Variants in CUL2 observed in about 807,000 individuals in gnomAD.
The protein encoded by CUL2 is cullin 2.
CUL2 carries 22 observed loss-of-function variants against 110.2 expected under a neutral mutation model. That is an observed-to-expected ratio of 0.20 (90% CI 0.14 to 0.28). The LOEUF (loss-of-function observed/expected upper bound fraction) is 0.28, where lower values mean the gene tolerates loss of function less well. Ranked by LOEUF, CUL2 falls within the 10% of genes least tolerant of loss-of-function variation. CUL2 has a pLI of 1.00. For missense variants in CUL2, 631 were observed against 905.5 expected, an observed-to-expected ratio of 0.70 and a Z score of 3.89; for synonymous variants, 279 against 293.2, an observed-to-expected ratio of 0.95 and a Z score of 0.49.
chr10:35,122,117 T>A (rs11010101), intron 1 of CUL2, among the ~76,000 whole-genome samples: 49,168 of 152,148 alleles, frequency 0.32, 8,066 homozygotes, highest in South Asian at 0.35. Flanking sequence ...ATATTATACT[T>A]ACTTGTTTTT....
intron 1 of CUL2, among the ~76,000 whole-genome samples, chr10:35,089,274 T>C (rs1297849217): frequency 1.3e-5 from 2 of 152,216 alleles, no homozygotes; most frequent in Non-Finnish European, 2.9e-5. Context: ...TATAGCTCAT[T>C]TGTTCATGTG....
intron 5 of CUL2, among the ~76,000 whole-genome samples, chr10:35,050,528 G>A (rs932042843): frequency 3.3e-5 from 5 of 152,058 alleles, no homozygotes; most frequent in African/African-American, 1.2e-4. Context: ...AAACATTCCT[G>A]TATTCACTAC....
At chr10:35,113,181 C>CAAAAAA (rs71660665) in intron 1 of CUL2, among the ~76,000 whole-genome samples, 19 of 36,616 alleles carry the variant, frequency 5.2e-4, no homozygotes, top group East Asian at 1.1e-3. Context: ...GACTCCATCT[C>CAAAAAA]AAAAAAAAAA....
chr10:35,033,902 T>A (rs1564709032), intron 10 of CUL2, among the ~76,000 whole-genome samples: 1 of 152,196 alleles, frequency 6.6e-6, no homozygotes. Flanking sequence ...TAACAAGACC[T>A]GAACTACCAG....
At chr10:35,114,793 G>C (rs1440629076) in intron 1 of CUL2, among the ~76,000 whole-genome samples, 1 of 148,700 alleles carries the variant, frequency 6.7e-6, no homozygotes, top group Non-Finnish European at 1.5e-5. Flanking sequence ...GTCCCAAATA[G>C]AACTTCCAGA....
rs377428976 is a variant in CUL2 at position 35,071,196 on chromosome 10, T to C, written c.119+3A>G. ...ATTGATCAAGCTGCCATTAAAAGGA[T>C]ACGAGAAACGGTCATTCCATGTTGC... is the stretch of plus-strand genomic sequence containing the variant. On this transcript the variant is annotated splice_donor_region_variant and intron_variant, in intron 2 of 20. Coordinates refer to ENST00000374749, the MANE Select transcript of CUL2 (RefSeq NM_003591.4). 6.2e-7 allele frequency: 1 copy of C among 1,612,602 alleles called. No individual in the cohort carries two copies. The highest frequency in any genetic ancestry group is 1.1e-5 in the South Asian group (1 of 90,848).
intron 19 of CUL2, 53 bp from the exon 20 acceptor site, chr10:35,012,017 C>T (rs2084915558): frequency 9.7e-7 from 1 of 1,028,330 alleles, no homozygotes; most frequent in Non-Finnish European, 1.4e-6. Context: ...AGTCACTGAA[C>T]TTGTTTTCAA....
chr10:35,069,119 A>G (rs531667276), intron 2 of CUL2, among the ~76,000 whole-genome samples: 2 of 152,238 alleles, frequency 1.3e-5, no homozygotes, highest in East Asian at 3.9e-4. Context: ...CGCCTGCCTC[A>G]GCCTATCAAA....
chr10:35,121,366 T>C (rs1392532631), intron 1 of CUL2, among the ~76,000 whole-genome samples: 1 of 152,208 alleles, frequency 6.6e-6, no homozygotes, highest in Non-Finnish European at 1.5e-5. Flanking sequence ...TAGCAGCAAC[T>C]ATAGGCACAC....
chr10:35,086,094 A>T (rs2087057607), intron 1 of CUL2, among the ~76,000 whole-genome samples: 1 of 151,188 alleles, frequency 6.6e-6, no homozygotes, highest in Admixed American at 6.6e-5. Context: ...ATTAGCTGAG[A>T]GTGGTGGAGG....
intron 9 of CUL2, among the ~76,000 whole-genome samples, chr10:35,035,677 T>C (rs1034551951): frequency 6.6e-6 from 1 of 152,248 alleles, no homozygotes; most frequent in Non-Finnish European, 1.5e-5. Context: ...TATGTGGATA[T>C]AATTTCTTAA....
At chr10:35,026,622 T>C (rs1326153329) in intron 16 of CUL2, among the ~76,000 whole-genome samples, 1 of 152,154 alleles carries the variant, frequency 6.6e-6, no homozygotes, top group East Asian at 1.9e-4. Context: ...CAAAAGAAGA[T>C]ACTGATTCAT....
intron 1 of CUL2, among the ~76,000 whole-genome samples, chr10:35,109,499 A>C (rs1159399202): frequency 6.6e-6 from 1 of 152,240 alleles, no homozygotes; most frequent in Non-Finnish European, 1.5e-5. Context: ...TCTAGTAATT[A>C]ATACTGTAAA....
At chr10:35,108,074 C>T (rs1443646687) in intron 1 of CUL2, among the ~76,000 whole-genome samples, 1 of 151,930 alleles carries the variant, frequency 6.6e-6, no homozygotes, top group Admixed American at 6.6e-5. Flanking sequence ...ACATCTTCGC[C>T]TTTTGTGAAT....
intron 1 of CUL2, chr10:35,119,884 G>C (rs1433966929): frequency 1.3e-5 from 2 of 152,140 alleles, no homozygotes. Context: ...GCTCAGGGAG[G>C]TTATTTTTTG....
chr10:35,101,289 T>C (rs1307157049), intron 1 of CUL2, among the ~76,000 whole-genome samples: 1 of 152,182 alleles, frequency 6.6e-6, no homozygotes, highest in Non-Finnish European at 1.5e-5. Context: ...GGCTTATAAT[T>C]GTGGGACAGC....
intron 17 of CUL2, among the ~76,000 whole-genome samples, chr10:35,023,076 G>C (rs1007913442): frequency 3.3e-5 from 5 of 152,138 alleles, no homozygotes; most frequent in African/African-American, 1.2e-4. Context: ...TGCTGTGACA[G>C]TAATTGCTGT....
chr10:35,040,380 C>T (rs1345026500), intron 8 of CUL2, among the ~76,000 whole-genome samples: 1 of 152,124 alleles, frequency 6.6e-6, no homozygotes, highest in Non-Finnish European at 1.5e-5. Flanking sequence ...GACAAATGCA[C>T]CGGCTTGGAA....
upstream of CUL2, among the ~76,000 whole-genome samples, chr10:35,092,763 G>A (rs576529306): frequency 3.4e-4 from 52 of 151,542 alleles, no homozygotes; most frequent in African/African-American, 1.3e-3. Flanking sequence ...TAACTTGAAA[G>A]CTAAGTTCCT....
Sources: gnomAD v4.1 joint callset for allele counts (sites outside exome capture counted in the v4.1 genomes callset) on GRCh38, gnomAD v4.1.1 for gene constraint, MANE v1.5 for transcripts, NCBI Gene and HGNC (gene_info 2026-07-23, HGNC 2026-07-21) for gene names.